TNIK: variants seen among roughly 807,000 people sequenced by gnomAD.
TNIK encodes TRAF2 and NCK interacting kinase, also known as TRAF2 and NCK-interacting protein kinase.
In TNIK, 49 loss-of-function variants were observed where a neutral mutation model predicts 191.3. The ratio of observed to expected loss-of-function variants is 0.26; its 90% confidence interval spans 0.20 to 0.32. TNIK has a LOEUF of 0.32. Among genes scored for constraint, TNIK ranks in the 10% least tolerant of loss-of-function variants. The pLI, the probability that TNIK is intolerant of heterozygous loss-of-function variation, is 1.00. For missense variants in TNIK, 1,155 were observed against 1,702.3 expected (o/e 0.68, Z 5.66); for synonymous variants, 594 against 600.9 (o/e 0.99, Z 0.17).
chr3:171,185,177 C>CTGTGTGTGTGTGTGTGTG (rs879495222), intron 7 of TNIK, among the ~76,000 whole-genome samples: 1 of 117,958 alleles, frequency 8.5e-6, no homozygotes, highest in African/African-American at 3.9e-5. Flanking sequence ...TATAGATTTC[C>CTGTGTGTGTGTGTGTGTG]CGTGTGTGTG....
chr3:171,200,744 C>T (rs1739301705), intron 4 of TNIK, among the ~76,000 whole-genome samples: 2 of 152,142 alleles, frequency 1.3e-5, no homozygotes, highest in African/African-American at 4.8e-5. Context: ...CTAATAACCT[C>T]TAAAAGAATT....
At chr3:171,456,610 T>C (rs948080816) in intron 1 of TNIK, among the ~76,000 whole-genome samples, 1 of 152,268 alleles carries the variant, frequency 6.6e-6, no homozygotes, top group South Asian at 2.1e-4. Context: ...CAACCATGTG[T>C]CCTAGGTGAT....
intron 22 of TNIK, among the ~76,000 whole-genome samples, chr3:171,095,054 G>A (rs1158198021): frequency 6.6e-6 from 1 of 152,188 alleles, no homozygotes; most frequent in Non-Finnish European, 1.5e-5. Context: ...CCATAAACTA[G>A]GAGGTTTAAC....
intron 14 of TNIK, 92 bp downstream of exon 14, chr3:171,139,378 G>GCACA (rs34521732): frequency 0.054 from 37,019 of 686,368 alleles, 273 homozygotes; most frequent in Non-Finnish European, 0.061. Flanking sequence ...ACGCACGCGC[G>GCACA]CACACACACA....
At chr3:171,216,851 TTA>T (rs1432142417) in intron 3 of TNIK, among the ~76,000 whole-genome samples, 3 of 152,066 alleles carry the variant, frequency 2.0e-5, no homozygotes, top group African/African-American at 7.2e-5. Context: ...AATAAATCTA[TTA>T]CATCAAATAG....
chr3:171,161,178 A>T, intron 11 of TNIK, 92 bp downstream of exon 11: 1 of 1,389,624 alleles, frequency 7.2e-7, no homozygotes, highest in Non-Finnish European at 9.9e-7. Flanking sequence ...GTGGATTCTT[A>T]AAAACGAACC....
intron 32 of TNIK, 199 bp from the exon 33 acceptor site, chr3:171,064,163 T>A: frequency 1.8e-6 from 1 of 544,544 alleles, no homozygotes. Flanking sequence ...AGGTTGTTAT[T>A]ATTCCTTATT....
chr3:171,233,043 C>T (rs1045508903), intron 2 of TNIK, among the ~76,000 whole-genome samples: 1 of 152,212 alleles, frequency 6.6e-6, no homozygotes, highest in Non-Finnish European at 1.5e-5. Context: ...AGGTCACCCA[C>T]ATACATTTAT....
chr3:171,110,000 G>C (rs1460169259), intron 19 of TNIK, among the ~76,000 whole-genome samples: 1 of 151,992 alleles, frequency 6.6e-6, no homozygotes, highest in Non-Finnish European at 1.5e-5. Flanking sequence ...TGCCTCCTGG[G>C]TTCAAGCGAT....
intron 3 of TNIK, among the ~76,000 whole-genome samples, chr3:171,222,827 C>T (rs766062324): frequency 1.2e-4 from 18 of 152,080 alleles, no homozygotes; most frequent in African/African-American, 2.4e-4. Flanking sequence ...GGCAATCCTA[C>T]GGTGTTACTC....
intron 1 of TNIK, among the ~76,000 whole-genome samples, chr3:171,420,665 G>A (rs1272725099): frequency 6.6e-6 from 1 of 152,104 alleles, no homozygotes; most frequent in Non-Finnish European, 1.5e-5. Flanking sequence ...GAGATTAGTA[G>A]CAATAACTAA....
At chr3:171,343,137 GTC>G (rs1378259195) in intron 2 of TNIK, among the ~76,000 whole-genome samples, 4 of 152,084 alleles carry the variant, frequency 2.6e-5, no homozygotes, top group Non-Finnish European at 5.9e-5. Context: ...TCAAGGTAGA[GTC>G]TAACTCCCCA....
chr3:171,400,451 C>T (rs1296384403), intron 1 of TNIK, among the ~76,000 whole-genome samples: 2 of 151,970 alleles, frequency 1.3e-5, no homozygotes, highest in Non-Finnish European at 2.9e-5. Flanking sequence ...TTCCTGTAGT[C>T]CCAGATACTT....
rs111609799 is a variant in TNIK at position 171,218,155 on chromosome 3, A to G, written c.181-6914T>C. Among the ~76,000 whole-genome samples, 794 of 152,272 alleles carry G rather than the reference A, an allele frequency of 5.2e-3. 6 individuals carry two copies. The highest frequency in any genetic ancestry group is 0.013 in the Admixed American group (192 of 15,280). ...TTATAGATGTAGAATAAAGAACATTAAGCAATATGTCCAGGGTCAGAGAGC... is the reference window on the plus strand; with the variant it reads ...TTATAGATGTAGAATAAAGAACATTGAGCAATATGTCCAGGGTCAGAGAGC... On this transcript the variant is annotated intron_variant, in intron 3 of 32. Coordinates refer to ENST00000436636, the MANE Select transcript of TNIK (RefSeq NM_015028.4).
At chr3:171,218,149 A>G (rs968672889) in intron 3 of TNIK, among the ~76,000 whole-genome samples, 2 of 152,142 alleles carry the variant, frequency 1.3e-5, no homozygotes, top group Admixed American at 6.6e-5. Flanking sequence ...TAGAATAAAG[A>G]ACATTAAGCA....
rs575974954 is a variant in TNIK at position 171,344,546 on chromosome 3, C to A, written c.123+25074G>T. On this transcript the variant is annotated intron_variant, in intron 2 of 32. Coordinates refer to ENST00000436636, the MANE Select transcript of TNIK (RefSeq NM_015028.4). ...TATCACACAAGAAAGGTACTGATGA[C>A]CTTATTTCTGCTAAGTATTAGGTGA... 2.0e-5 allele frequency among the ~76,000 whole-genome samples: 3 copies of A among 152,192 alleles called. No homozygotes were observed. In the South Asian group the frequency reaches 6.2e-4, roughly 32 times the overall value.
At chr3:171,450,328 C>A (rs1728017969) in intron 1 of TNIK, among the ~76,000 whole-genome samples, 1 of 152,258 alleles carries the variant, frequency 6.6e-6, no homozygotes, top group African/African-American at 2.4e-5. Context: ...CACAGGCTAT[C>A]TTCAGTGTGT....
intron 1 of TNIK, among the ~76,000 whole-genome samples, chr3:171,456,098 G>T (rs1328411849): frequency 6.9e-6 from 1 of 144,686 alleles, no homozygotes; most frequent in African/African-American, 2.6e-5. Context: ...ATCTAATTTT[G>T]TTCAAATACA....
chr3:171,441,528 C>T (rs1403712033), intron 1 of TNIK, among the ~76,000 whole-genome samples: 1 of 152,158 alleles, frequency 6.6e-6, no homozygotes, highest in Non-Finnish European at 1.5e-5. Flanking sequence ...TGTATGAAAA[C>T]ACTACACTTT....
Sources: allele counts gnomAD v4.1 joint callset (sites outside exome capture counted in the v4.1 genomes callset), GRCh38; gene constraint gnomAD v4.1.1; transcripts MANE v1.5; gene names NCBI Gene and HGNC (gene_info 2026-07-23, HGNC 2026-07-21).